The following CSMD1 variants were observed in gnomAD, a reference collection of about 807,000 sequenced individuals.
CSMD1 encodes CUB and sushi domain-containing protein 1.
A neutral mutation model predicts 417.5 loss-of-function variants in CSMD1; 213 were observed. The ratio of observed to expected loss-of-function variants is 0.51; its 90% CI spans 0.46 to 0.57. The LOEUF is 0.57. Among genes scored for constraint, CSMD1 ranks in the 20% least tolerant of loss-of-function variants. The probability of loss-of-function intolerance (pLI) is 0.00; values close to 1 mark genes in which losing one functional copy is unlikely to be tolerated. For synonymous variants in CSMD1, 2,862 were observed against 1,736.8 expected, an observed-to-expected ratio of 1.65 and a Z score of -16.11; for missense variants, 6,923 against 4,529.7, an observed-to-expected ratio of 1.53 and a Z score of -15.17.
chr8:4,142,367 A>G (rs974928701), intron 3 of CSMD1, among the ~76,000 whole-genome samples: 1 of 151,022 alleles, frequency 6.6e-6, no homozygotes, highest in African/African-American at 2.5e-5. Context: ...CTGTAGGCAA[A>G]TATTAGAGGC....
intron 11 of CSMD1, among the ~76,000 whole-genome samples, chr8:3,491,007 T>C (rs968309698): frequency 1.3e-5 from 2 of 152,140 alleles, no homozygotes; most frequent in East Asian, 1.9e-4. Context: ...AACGTAACAA[T>C]GTAAATGAAG....
intron 27 of CSMD1, among the ~76,000 whole-genome samples, chr8:3,228,935 C>T (rs1798668648): frequency 6.6e-6 from 1 of 152,062 alleles, no homozygotes; most frequent in Admixed American, 6.6e-5. Flanking sequence ...TGACTGTGCT[C>T]ACAGACGCTA....
intron 1 of CSMD1, among the ~76,000 whole-genome samples, chr8:4,974,144 G>A (rs762880272): frequency 1.3e-5 from 2 of 151,566 alleles, no homozygotes; most frequent in South Asian, 2.1e-4. Flanking sequence ...AGCCTCCCGA[G>A]TAGCTGAGAT....
chr8:2,993,452 G>A (rs1348519651), intron 54 of CSMD1, among the ~76,000 whole-genome samples: 1 of 152,186 alleles, frequency 6.6e-6, no homozygotes, highest in Non-Finnish European at 1.5e-5. Context: ...AAAGAGGAGT[G>A]TCAGGGCACT....
rs1158239339 is a variant in CSMD1 at position 4,834,325 on chromosome 8, A to C, written c.85+160007T>G. On this transcript the variant is annotated intron_variant, in intron 1 of 69. Transcript: ENST00000635120. ...ACATACTGGGAACAGAAAAACAGGT[A>C]AGATTTACTTGATGGCAAGAACGCA... 5.3e-5 allele frequency among the ~76,000 whole-genome samples: 8 copies of C among 152,318 alleles called. No homozygotes were observed. In the South Asian group the frequency reaches 1.2e-3, roughly 24 times the overall value.
chr8:3,680,812 C>A (rs1799616434), intron 7 of CSMD1, among the ~76,000 whole-genome samples: 1 of 152,164 alleles, frequency 6.6e-6, no homozygotes, highest in African/African-American at 2.4e-5. Context: ...AAACCGAACT[C>A]AGCAGCACAT....
chr8:4,549,111 G>C (rs563847411), intron 2 of CSMD1, among the ~76,000 whole-genome samples: 6 of 151,900 alleles, frequency 3.9e-5, no homozygotes, highest in Non-Finnish European at 8.8e-5. Flanking sequence ...TAAGAAAAGT[G>C]GTCATTAAAA....
intron 3 of CSMD1, among the ~76,000 whole-genome samples, chr8:4,264,683 A>G (rs1483697585): frequency 1.3e-5 from 2 of 152,288 alleles, no homozygotes; most frequent in South Asian, 2.1e-4. Context: ...CATCCCCAGA[A>G]TAAGGGGAAC....
chr8:4,069,163 T>C (rs1799414025), intron 3 of CSMD1, among the ~76,000 whole-genome samples: 1 of 152,170 alleles, frequency 6.6e-6, no homozygotes, highest in South Asian at 2.1e-4. Flanking sequence ...TGCAAATATA[T>C]ACTATGATGG....
At chr8:4,140,624 C>G (rs371195041) in intron 3 of CSMD1, among the ~76,000 whole-genome samples, 1 of 150,844 alleles carries the variant, frequency 6.6e-6, no homozygotes, top group Non-Finnish European at 1.5e-5. Flanking sequence ...GCCATGATTG[C>G]GCCACTGCAC....
At chr8:3,796,429 T>TATAG (rs202209320) in intron 5 of CSMD1, among the ~76,000 whole-genome samples, 1,203 of 107,288 alleles carry the variant, frequency 0.011, 183 homozygotes, top group African/African-American at 0.04. Flanking sequence ...CATGTATAGA[T>TATAG]ATATATATCT....
At chr8:3,655,780 G>T (rs62474665) in intron 7 of CSMD1, among the ~76,000 whole-genome samples, 2 of 151,974 alleles carry the variant, frequency 1.3e-5, no homozygotes, top group Non-Finnish European at 2.9e-5. Flanking sequence ...AGGCAGGAAA[G>T]GTAGAGTCTA....
At chr8:4,758,246 C>A (rs1811799013) in intron 1 of CSMD1, among the ~76,000 whole-genome samples, 1 of 152,112 alleles carries the variant, frequency 6.6e-6, no homozygotes, top group Non-Finnish European at 1.5e-5. Context: ...AGGAAGCCCA[C>A]CGACTATAAT....
At chr8:3,846,285 T>G (rs569747041) in intron 5 of CSMD1, among the ~76,000 whole-genome samples, 1 of 152,180 alleles carries the variant, frequency 6.6e-6, no homozygotes, top group African/African-American at 2.4e-5. Flanking sequence ...ACCATGTCAA[T>G]AGGTGATAGG....
At chr8:4,039,561 G>C (rs952389164) in intron 3 of CSMD1, among the ~76,000 whole-genome samples, 3 of 152,180 alleles carry the variant, frequency 2.0e-5, no homozygotes, top group Non-Finnish European at 4.4e-5. Flanking sequence ...CTCCCAGGAG[G>C]TGGCAGTCAT....
intron 17 of CSMD1, among the ~76,000 whole-genome samples, chr8:3,390,374 A>T (rs1811278307): frequency 6.6e-6 from 1 of 151,426 alleles, no homozygotes; most frequent in Non-Finnish European, 1.5e-5. Flanking sequence ...AAAAAAAAAA[A>T]AAAAAGGAAT....
At chr8:3,035,634 T>A (rs896862684) in intron 50 of CSMD1, among the ~76,000 whole-genome samples, 1 of 152,244 alleles carries the variant, frequency 6.6e-6, no homozygotes, top group African/African-American at 2.4e-5. Context: ...ACTCCTTGAA[T>A]GTTTTAAAAT....
intron 1 of CSMD1, among the ~76,000 whole-genome samples, chr8:4,958,846 C>T (rs1224530436): frequency 6.6e-6 from 1 of 152,086 alleles, no homozygotes; most frequent in Non-Finnish European, 1.5e-5. Flanking sequence ...AAATGCATGT[C>T]CTTTAGTCAA....
intron 4 of CSMD1, among the ~76,000 whole-genome samples, chr8:4,017,257 T>C (rs969689404): frequency 6.6e-6 from 1 of 152,196 alleles, no homozygotes; most frequent in Non-Finnish European, 1.5e-5. Flanking sequence ...TTCAAGGCTA[T>C]GCAATTCATC....
Sources: gnomAD v4.1 joint callset for allele counts (sites outside exome capture counted in the v4.1 genomes callset) on GRCh38, gnomAD v4.1.1 for gene constraint, MANE v1.5 for transcripts, NCBI Gene and HGNC (gene_info 2026-07-23, HGNC 2026-07-21) for gene names.